Variants in NTN1 observed in about 807,000 individuals in gnomAD.
NTN1 encodes netrin 1.
Under a neutral mutation model 54.2 loss-of-function variants are expected in NTN1, and 11 were observed. That is an observed-to-expected ratio of 0.20 (90% CI 0.13 to 0.34). The LOEUF (loss-of-function observed/expected upper bound fraction) is 0.34, where lower values mean the gene tolerates loss of function less well. Ranked by LOEUF, NTN1 falls within the 10% of genes least tolerant of loss-of-function variation. The pLI is 1.00. For synonymous variants in NTN1, 371 were observed against 382.0 expected (o/e 0.97, Z 0.33); for missense variants, 740 against 893.1 (o/e 0.83, Z 2.18).
At chr17:9,043,005 C>T (rs542355544) in intron 2 of NTN1, among the ~76,000 whole-genome samples, 3 of 152,258 alleles carry the variant, frequency 2.0e-5, no homozygotes, top group Non-Finnish European at 4.4e-5. Flanking sequence ...TATTTGACAA[C>T]CATTTCAATT....
the NTN1 span, among the ~76,000 whole-genome samples, chr17:9,008,670 G>C: frequency 3.9e-5 from 6 of 152,194 alleles, no homozygotes; most frequent in African/African-American, 9.7e-5. Flanking sequence ...GGACACTTTA[G>C]GGTCTTCTGC....
chr17:9,226,290 G>A (rs567542681), intron 6 of NTN1, among the ~76,000 whole-genome samples: 2 of 152,250 alleles, frequency 1.3e-5, no homozygotes, highest in South Asian at 2.1e-4. Context: ...CTTCGCCGCC[G>A]GGGCCTCGGT....
rs967023144 is a variant in NTN1, at chr17:9,156,850, A to G, written c.1019-5963A>G. Among the ~76,000 whole-genome samples, 7 of 152,180 alleles carry G rather than the reference A, an allele frequency of 4.6e-5. No homozygotes were observed. The East Asian group carries it at 1.2e-3, about 25-fold the overall frequency. On this transcript the variant is annotated intron_variant, in intron 2 of 6. Coordinates refer to ENST00000173229, the MANE Select transcript of NTN1 (RefSeq NM_004822.3). Reference sequence around the variant, plus strand: ...CTCTATCTGCCCTACCTGTCTAACTATCTAACTGTCTCTATACATACCCGC... The same window carrying G: ...CTCTATCTGCCCTACCTGTCTAACTGTCTAACTGTCTCTATACATACCCGC...
the NTN1 span, among the ~76,000 whole-genome samples, chr17:9,016,032 C>T: frequency 1.3e-5 from 2 of 151,978 alleles, no homozygotes; most frequent in Non-Finnish European, 2.9e-5. Context: ...CGAGATAGTG[C>T]CATTGCACTC....
intron 2 of NTN1, among the ~76,000 whole-genome samples, chr17:9,072,584 G>A (rs970800333): frequency 6.6e-6 from 1 of 152,182 alleles, no homozygotes; most frequent in African/African-American, 2.4e-5. Context: ...GCCTCGGAGA[G>A]GAGGCAGGGA....
intron 3 of NTN1, chr17:9,173,468 G>T (rs2092392678): frequency 6.6e-6 from 1 of 152,370 alleles, no homozygotes; most frequent in South Asian, 2.1e-4. Context: ...GGCCCTTGCT[G>T]ACTCTTTGGA....
intron 2 of NTN1, among the ~76,000 whole-genome samples, chr17:9,036,223 A>T (rs1010515901): frequency 6.6e-6 from 1 of 151,170 alleles, no homozygotes; most frequent in Non-Finnish European, 1.5e-5. Context: ...GTACAAATTT[A>T]TATCTGTATA....
chr17:9,004,764 A>G, the NTN1 span, among the ~76,000 whole-genome samples: 4 of 152,226 alleles, frequency 2.6e-5, no homozygotes, highest in African/African-American at 9.6e-5. Context: ...CACCCGGCCG[A>G]CTTGGCCCTG....
At chr17:9,037,772 T>C (rs949313361) in intron 2 of NTN1, among the ~76,000 whole-genome samples, 24 of 152,212 alleles carry the variant, frequency 1.6e-4, no homozygotes, top group Admixed American at 1.1e-3. Flanking sequence ...TTTCTGCTAC[T>C]GCGATTACAG....
At chr17:9,168,883 A>G (rs2092379913) in intron 3 of NTN1, among the ~76,000 whole-genome samples, 1 of 152,106 alleles carries the variant, frequency 6.6e-6, no homozygotes, top group Non-Finnish European at 1.5e-5. Context: ...CTGAGGCAGG[A>G]AGGTACTTAG....
intron 2 of NTN1, among the ~76,000 whole-genome samples, chr17:9,029,477 T>G (rs2151509076): frequency 6.6e-6 from 1 of 152,312 alleles, no homozygotes; most frequent in Non-Finnish European, 1.5e-5. Context: ...CGTGTCCTAT[T>G]ATAGCCAACT....
At chr17:9,063,398 C>G (rs2092005180) in intron 2 of NTN1, among the ~76,000 whole-genome samples, 1 of 151,454 alleles carries the variant, frequency 6.6e-6, no homozygotes, top group Admixed American at 6.6e-5. Flanking sequence ...GCTCCCAGCC[C>G]ATTAATGACT....
chr17:9,144,971 T>C (rs1211684114), intron 2 of NTN1, among the ~76,000 whole-genome samples: 1 of 152,200 alleles, frequency 6.6e-6, no homozygotes, highest in Non-Finnish European at 1.5e-5. Flanking sequence ...ACCCCACAGC[T>C]ATCTCCAGCT....
intron 5 of NTN1, among the ~76,000 whole-genome samples, chr17:9,202,029 T>TACACACACACACAC (rs1200661283): frequency 0.028 from 764 of 26,824 alleles, 59 homozygotes; most frequent in South Asian, 0.039. Flanking sequence ...CTACTAAAAA[T>TACACACACACACAC]ACACACACAC....
At chr17:9,072,256 T>G (rs565157446) in intron 2 of NTN1, among the ~76,000 whole-genome samples, 1 of 151,778 alleles carries the variant, frequency 6.6e-6, no homozygotes, top group East Asian at 1.9e-4. Context: ...CTGTTTTTTT[T>G]TTTTTTTTTC....
intron 2 of NTN1, among the ~76,000 whole-genome samples, chr17:9,060,859 C>T (rs532621840): frequency 6.6e-6 from 1 of 151,572 alleles, no homozygotes; most frequent in African/African-American, 2.4e-5. Flanking sequence ...GCCTGTAGTC[C>T]AAGCTACTCG....
rs2142356618 is a variant in NTN1, at chr17:9,221,280, G to A, written c.1486+38G>A. Reference sequence around the variant, plus strand: ...CCCCTTGTCTGGGGAGGATGGGAGGGGGCCACGTGACCAGCGAGGTGCTGG... The same window carrying A: ...CCCCTTGTCTGGGGAGGATGGGAGGAGGCCACGTGACCAGCGAGGTGCTGG... On this transcript the variant is annotated intron_variant, in intron 6 of 6. Transcript: ENST00000173229. This position sits in a 1 kb window ranked among gnomAD's most constrained non-coding sequence, Gnocchi z 4.5. 6.5e-7 allele frequency: 1 copy of A among 1,540,376 alleles called. No homozygotes were observed. Among genetic ancestry groups the A allele is most frequent in the Non-Finnish European group, 9.0e-7 (1 of 1,113,262 alleles).
chr17:9,121,770 A>G (rs1480213596), intron 2 of NTN1, among the ~76,000 whole-genome samples: 2 of 152,028 alleles, frequency 1.3e-5, no homozygotes, highest in Non-Finnish European at 2.9e-5. Flanking sequence ...GACTCCTTGG[A>G]TGCCACAGCT....
intron 5 of NTN1, among the ~76,000 whole-genome samples, chr17:9,199,294 C>G (rs764621187): frequency 6.6e-6 from 1 of 152,220 alleles, no homozygotes; most frequent in Non-Finnish European, 1.5e-5. Context: ...AGGCACCCAC[C>G]ACCACGCCCA....
Sources: gnomAD v4.1 joint callset for allele counts (sites outside exome capture counted in the v4.1 genomes callset) on GRCh38, gnomAD v4.1.1 for gene constraint, Gnocchi (gnomAD v3.1) non-coding constraint, MANE v1.5 for transcripts, NCBI Gene and HGNC (gene_info 2026-07-23, HGNC 2026-07-21) for gene names.